The following NAA25 variants were observed in gnomAD, a reference collection of about 807,000 sequenced individuals.
NAA25 encodes N-terminal acetyltransferase B complex subunit NAA25.
NAA25 carries 30 observed loss-of-function variants against 132.5 expected under a neutral mutation model. The ratio of observed to expected loss-of-function variants is 0.23; its 90% CI spans 0.17 to 0.31. The LOEUF is 0.31. Among genes scored for constraint, NAA25 ranks in the 10% least tolerant of loss-of-function variants. NAA25 has a pLI of 1.00. For missense variants in NAA25, 771 were observed against 1,150.4 expected, an observed-to-expected ratio of 0.67 and a Z score of 4.77; for synonymous variants, 359 against 401.9, an observed-to-expected ratio of 0.89 and a Z score of 1.28.
At chr12:112,090,894 TA>T (rs1338629723) in intron 2 of NAA25, 30 bp from the exon 3 acceptor site, 2 of 1,578,528 alleles carry the variant, frequency 1.3e-6, no homozygotes, top group Non-Finnish European at 1.7e-6. Context: ...AATCAGTTTT[TA>T]AAAAGACAGA....
chr12:112,106,795 T>C (rs2079367331), intron 1 of NAA25, among the ~76,000 whole-genome samples: 1 of 150,760 alleles, frequency 6.6e-6, no homozygotes, highest in Admixed American at 6.6e-5. Context: ...CTCTACAATA[T>C]ATACAAAAAT....
intron 13 of NAA25, among the ~76,000 whole-genome samples, chr12:112,055,387 A>G (rs2078530623): frequency 6.6e-6 from 1 of 152,188 alleles, no homozygotes; most frequent in African/African-American, 2.4e-5. Flanking sequence ...AAAGAGAGAG[A>G]GAAGAAGAAA....
chr12:112,032,878 T>A (rs558717459), intron 23 of NAA25, among the ~76,000 whole-genome samples: 1 of 152,312 alleles, frequency 6.6e-6, no homozygotes, highest in South Asian at 2.1e-4. Context: ...GATAACTGGG[T>A]GGCAAGGAAG....
chr12:112,033,513 G>C, intron 22 of NAA25, 134 bp from the exon 23 acceptor site: 1 of 669,080 alleles, frequency 1.5e-6, no homozygotes, highest in Non-Finnish European at 2.3e-6. Context: ...TGAATGAATG[G>C]TACTAAAATA....
intron 1 of NAA25, among the ~76,000 whole-genome samples, chr12:112,107,907 A>T (rs2079387343): frequency 6.6e-6 from 1 of 152,226 alleles, no homozygotes; most frequent in Admixed American, 6.5e-5. Flanking sequence ...GGGTAAATGG[A>T]TGAGATGACA....
intron 4 of NAA25, among the ~76,000 whole-genome samples, chr12:112,086,279 T>C (rs2079055693): frequency 6.6e-6 from 1 of 151,320 alleles, no homozygotes; most frequent in African/African-American, 2.4e-5. Flanking sequence ...GTGGATCACT[T>C]GAGGTGAGGA....
chr12:112,071,643 T>C (rs2078810147), intron 10 of NAA25, among the ~76,000 whole-genome samples: 1 of 152,150 alleles, frequency 6.6e-6, no homozygotes, highest in Non-Finnish European at 1.5e-5. Flanking sequence ...ATTTTGACTT[T>C]ATTGTTGGGT....
chr12:112,034,403 A>C (rs1407437632), intron 22 of NAA25: 2 of 152,270 alleles, frequency 1.3e-5, no homozygotes, highest in Non-Finnish European at 2.9e-5. Context: ...AGGCAGGCGG[A>C]TCACTTGAGG....
intron 20 of NAA25, 142 bp downstream of exon 20, chr12:112,041,897 G>T: frequency 1.9e-6 from 1 of 534,198 alleles, no homozygotes; most frequent in South Asian, 2.4e-5. Context: ...GTGTTTAGGT[G>T]GCATCTAGGA....
Position 112,047,762 on chromosome 12 carries a change from A to C in NAA25, c.1909T>G (p.Ser637Ala). 1.2e-6 allele frequency: 2 copies of C among 1,612,826 alleles called. No individual in the cohort carries two copies. Among genetic ancestry groups the C allele is most frequent in the Non-Finnish European group, 1.7e-6 (2 of 1,179,544 alleles). Residue 637 changes from serine (S) to alanine (A), a missense_variant, in exon 17 of 24, where the codon TCA (serine) becomes GCA (alanine). By Grantham distance (99) the Ser-to-Ala change is moderately conservative. Around this residue, in one of 3 missense-constraint regions of NAA25, gnomAD observed 324 missense variants for 400.0 expected, o/e 0.81. Transcript: ENST00000261745. The part of the protein sequence containing the change: ...ISTSLAESIK[S>A]MNLRPEEDDI... ...TCTTCTTCTGGCCTAAGGTTCATTG[A>C]CTTTATACTTTCTGCTAAACTGGTT...
In NAA25 at chr12:112,055,171, G is replaced by A. The variant is rs918552668; in HGVS notation, c.1448-603C>T. ...AGATAAAGCTTTATATACAAAAATA[G>A]TTATCGTACTATCTAGTGATGTAAT... On this transcript the variant is annotated intron_variant, in intron 13 of 23. Coordinates refer to ENST00000261745, the MANE Select transcript of NAA25 (RefSeq NM_024953.4). Among the ~76,000 whole-genome samples the A allele has an allele frequency of 5.3e-5, 8 of 152,100 alleles. No homozygotes were observed. In the South Asian group the frequency reaches 1.7e-3, roughly 32 times the overall value.
chr12:112,039,013 C>T (rs1020134775), intron 22 of NAA25, among the ~76,000 whole-genome samples: 5 of 151,920 alleles, frequency 3.3e-5, no homozygotes, highest in Non-Finnish European at 7.4e-5. Context: ...AAAACACTAA[C>T]AATAGCTGAT....
intron 22 of NAA25, chr12:112,033,845 A>C (rs1043114349): frequency 1.3e-5 from 2 of 152,260 alleles, no homozygotes; most frequent in Non-Finnish European, 2.9e-5. Context: ...TATGTTAAGA[A>C]CCCAGTAGCT....
chr12:112,033,150 T>A, intron 23 of NAA25, 83 bp downstream of exon 23: 1 of 1,406,564 alleles, frequency 7.1e-7, no homozygotes, highest in Non-Finnish European at 9.5e-7. Flanking sequence ...AACTTTAACT[T>A]GTCCTTGTGA....
chr12:112,099,613 C>T (rs891149089), intron 1 of NAA25, among the ~76,000 whole-genome samples: 13 of 152,128 alleles, frequency 8.5e-5, no homozygotes, highest in East Asian at 1.9e-4. Context: ...GTTGAATGAA[C>T]GCACAAGCTG....
chr12:112,093,014 C>T (rs763457175), intron 2 of NAA25, 37 bp downstream of exon 2: 8 of 1,432,430 alleles, frequency 5.6e-6, no homozygotes, highest in South Asian at 2.4e-5. Flanking sequence ...AAATATAACC[C>T]GCCACAGGTA....
intron 23 of NAA25, among the ~76,000 whole-genome samples, chr12:112,031,897 A>G (rs538996644): frequency 1.1e-4 from 16 of 151,916 alleles, no homozygotes; most frequent in Non-Finnish European, 1.8e-4. Context: ...CATTAAAGAA[A>G]GCAGACATGT....
chr12:112,033,325 A>G lies in NAA25; in HGVS notation c.2704T>C (p.Ser902Pro), dbSNP rs1235036453. 13 of 1,613,476 alleles carry G rather than the reference A, an allele frequency of 8.1e-6. No individual in the cohort carries two copies. Among genetic ancestry groups the G allele is most frequent in the Non-Finnish European group, 1.0e-5 (12 of 1,179,790 alleles). The change falls in exon 23 of 24, where the codon TCC becomes CCC. Residue 902 changes from serine (S) to proline (P), a missense_variant. By Grantham distance (74) the Ser-to-Pro change is moderately conservative. Coordinates refer to ENST00000261745, the MANE Select transcript of NAA25 (RefSeq NM_024953.4). ...CCTTTAATATGATCCACAACATTGG[A>G]AATTAAAGTCTGAAGCCCAGTAACA... ...DYVTGLQTLI[S>P]NVVDHIKGLE... is the part of the protein sequence containing the mutation.
chr12:112,033,176 G>C (rs996578011), intron 23 of NAA25, 57 bp downstream of exon 23: 3 of 1,495,264 alleles, frequency 2.0e-6, no homozygotes, highest in Middle Eastern at 1.8e-4. Context: ...ATGAGAGAGA[G>C]AGACAGAGTG....
Sources: allele counts gnomAD v4.1 joint callset (sites outside exome capture counted in the v4.1 genomes callset), GRCh38; gene constraint gnomAD v4.1.1; regional missense constraint gnomAD v4.1.1; transcripts MANE v1.5; gene names NCBI Gene and HGNC (gene_info 2026-07-23, HGNC 2026-07-21).